ITSN1: variants seen among roughly 807,000 people sequenced by gnomAD.
The protein encoded by ITSN1 is intersectin 1, also known as intersectin-1.
In ITSN1, 58 loss-of-function variants were observed where a neutral mutation model predicts 239.8. The ratio of observed to expected loss-of-function variants is 0.24; its 90% confidence interval spans 0.20 to 0.30. The LOEUF (loss-of-function observed/expected upper bound fraction) is 0.30. Ranked by LOEUF, ITSN1 falls within the 10% of genes least tolerant of loss-of-function variation. The probability of loss-of-function intolerance (pLI) is 1.00; values close to 1 mark genes in which losing one functional copy is unlikely to be tolerated. For missense variants in ITSN1, 1,558 were observed against 2,103.3 expected (o/e 0.74, Z 5.07); for synonymous variants, 780 against 770.8 (o/e 1.01, Z -0.20).
intron 1 of ITSN1, among the ~76,000 whole-genome samples, chr21:33,672,037 G>A (rs1486015589): frequency 1.3e-5 from 2 of 151,210 alleles, no homozygotes; most frequent in Non-Finnish European, 2.9e-5. Context: ...CTGAGGTTGG[G>A]AGTTCAAGAC....
In ITSN1 at chr21:33,718,836, A is replaced by G; in HGVS notation, c.8A>G (p.Gln3Arg). 6.2e-7 allele frequency: 1 copy of G among 1,613,596 alleles called. No individual in the cohort carries two copies. The highest frequency in any genetic ancestry group is 1.1e-5 in the South Asian group (1 of 90,992). The change falls in exon 2 of 40, where the codon CAG (glutamine) becomes CGG (arginine). Residue 3 changes from glutamine (Q) to arginine (R), a missense_variant. Physicochemically the swap from Gln to Arg is conservative, Grantham distance 43. Transcript: ENST00000381318. MA[Q>R]FPTPFGGSLD... ...GGTAAAAGTAACAGAACCATGGCTC[A>G]GTTTCCAACACCTTTTGGTGGTAAG...
intron 4 of ITSN1, among the ~76,000 whole-genome samples, chr21:33,730,985 C>T (rs1459109826): frequency 6.6e-6 from 1 of 152,178 alleles, no homozygotes; most frequent in South Asian, 2.1e-4. Flanking sequence ...CATGAGCCAC[C>T]GCGCCCAGCC....
intron 4 of ITSN1, among the ~76,000 whole-genome samples, chr21:33,727,749 C>A (rs2065914313): frequency 6.6e-6 from 1 of 152,012 alleles, no homozygotes; most frequent in Non-Finnish European, 1.5e-5. Flanking sequence ...CAAACCAACA[C>A]CTGGGCACCG....
intron 16 of ITSN1, among the ~76,000 whole-genome samples, chr21:33,789,832 A>G (rs186969886): frequency 6.6e-6 from 1 of 152,348 alleles, no homozygotes; most frequent in East Asian, 1.9e-4. Context: ...TCTCAGGGGA[A>G]AAATAGTTGG....
chr21:33,743,164 T>A (rs1569075654), intron 5 of ITSN1, among the ~76,000 whole-genome samples: 1 of 151,774 alleles, frequency 6.6e-6, no homozygotes, highest in African/African-American at 2.4e-5. Context: ...AGGAAAAAAA[T>A]TTAAATTAAA....
chr21:33,673,452 G>A (rs1003956748), intron 1 of ITSN1, among the ~76,000 whole-genome samples: 1 of 152,198 alleles, frequency 6.6e-6, no homozygotes, highest in Admixed American at 6.5e-5. Context: ...CCATTTCACT[G>A]TGTATATGTA....
At chr21:33,792,860 G>A (rs1341371717) in intron 16 of ITSN1, among the ~76,000 whole-genome samples, 1 of 152,016 alleles carries the variant, frequency 6.6e-6, no homozygotes, top group African/African-American at 2.4e-5. Context: ...GTTCCCTACT[G>A]AAGCCCCTTC....
intron 22 of ITSN1, among the ~76,000 whole-genome samples, chr21:33,815,006 G>A (rs780221051): frequency 2.7e-4 from 41 of 152,186 alleles, no homozygotes; most frequent in Non-Finnish European, 4.6e-4. Flanking sequence ...ACCTTAAAGC[G>A]GGAAGGGAGA....
chr21:33,728,930 C>A (rs1185092945), intron 4 of ITSN1, among the ~76,000 whole-genome samples: 2 of 151,970 alleles, frequency 1.3e-5, no homozygotes, highest in Non-Finnish European at 2.9e-5. Flanking sequence ...GAATGAATGA[C>A]TGGATTAGTC....
chr21:33,684,329 A>G (rs1315766532), intron 1 of ITSN1, among the ~76,000 whole-genome samples: 12 of 152,168 alleles, frequency 7.9e-5, no homozygotes, highest in Admixed American at 7.9e-4. Context: ...CACTCATCTG[A>G]GTACCGATTC....
intron 5 of ITSN1, among the ~76,000 whole-genome samples, chr21:33,748,540 C>T (rs1187924649): frequency 1.3e-5 from 2 of 151,948 alleles, no homozygotes; most frequent in African/African-American, 2.4e-5. Context: ...AGAAAATTTA[C>T]TTTTAAAAAA....
intron 14 of ITSN1, among the ~76,000 whole-genome samples, chr21:33,781,203 C>G (rs1436702542): frequency 2.6e-5 from 4 of 152,048 alleles, no homozygotes; most frequent in Admixed American, 2.6e-4. Context: ...TTTTTTGAAG[C>G]TTATAAATAT....
intron 1 of ITSN1, among the ~76,000 whole-genome samples, chr21:33,684,431 A>C (rs1031279434): frequency 1.3e-5 from 2 of 152,216 alleles, no homozygotes; most frequent in Admixed American, 6.5e-5. Flanking sequence ...GTGGAATAGC[A>C]TGATTAATGA....
At chr21:33,837,738 A>G (rs1602542361) in intron 29 of ITSN1, 6 of 985,802 alleles carry the variant, frequency 6.1e-6, no homozygotes, top group Non-Finnish European at 7.2e-6. Flanking sequence ...ATTTAATTTT[A>G]TTTTGCACAG....
At chr21:33,850,488 T>G (rs2075126097) in intron 29 of ITSN1, among the ~76,000 whole-genome samples, 1 of 152,198 alleles carries the variant, frequency 6.6e-6, no homozygotes, top group South Asian at 2.1e-4. Flanking sequence ...GATAACCGCT[T>G]GGAGTGATGC....
intron 29 of ITSN1, among the ~76,000 whole-genome samples, chr21:33,846,516 C>A (rs1323190135): frequency 6.6e-6 from 1 of 152,194 alleles, no homozygotes; most frequent in Non-Finnish European, 1.5e-5. Context: ...TGGTACCTTG[C>A]CTTGTGTAGT....
At position 33,750,191 on chromosome 21, in the gene ITSN1, T is replaced by A; in HGVS notation, c.395T>A (p.Val132Glu). 1 of 1,614,186 alleles carries A rather than the reference T, an allele frequency of 6.2e-7. No individual in the cohort carries two copies. Among genetic ancestry groups the A allele is most frequent in the African/African-American group, 1.3e-5 (1 of 75,056 alleles). The change falls in exon 6 of 40, where the codon GTG becomes GAG. Residue 132 changes from valine to glutamate, a missense_variant. Val to Glu is a moderately radical substitution (Grantham distance 121). Transcript: ENST00000381318. ...CCACCGCTTACAGCTGTTGCTCCAG[T>A]GCCAATGGGATCCATTCCAGTTGTT... Reference protein sequence around the residue: ...SMPPLTAVAPVPMGSIPVVGM... With the variant: ...SMPPLTAVAPEPMGSIPVVGM...
At chr21:33,712,784 GCTTTTGTCTA>G (rs2092451541) in intron 1 of ITSN1, among the ~76,000 whole-genome samples, 2 of 152,232 alleles carry the variant, frequency 1.3e-5, no homozygotes, top group Admixed American at 1.3e-4. Context: ...AAATCTGCCT[GCTTTTGTCTA>G]CTTCTTATTG....
At chr21:33,837,333 T>A in intron 29 of ITSN1, 1 of 1,039,238 alleles carries the variant, frequency 9.6e-7, no homozygotes, top group African/African-American at 1.7e-5. Flanking sequence ...TATTTTTAAA[T>A]ATATATTTTA....
Sources: gnomAD v4.1 joint callset for allele counts (sites outside exome capture counted in the v4.1 genomes callset) on GRCh38, gnomAD v4.1.1 for gene constraint, MANE v1.5 for transcripts, NCBI Gene and HGNC (gene_info 2026-07-23, HGNC 2026-07-21) for gene names.